PARM1: variants seen among roughly 807,000 people sequenced by gnomAD.
The protein encoded by PARM1 is WSC4, cell wall integrity and stress response component 4 homolog.
PARM1 carries 14 observed loss-of-function variants against 24.6 expected under a neutral mutation model. The ratio of observed to expected loss-of-function variants is 0.57; its 90% confidence interval spans 0.38 to 0.89. The LOEUF (loss-of-function observed/expected upper bound fraction) is 0.89, where lower values mean the gene tolerates loss of function less well. Ranked by LOEUF, PARM1 falls within the 40% of genes least tolerant of loss-of-function variation. The pLI, the probability that PARM1 is intolerant of heterozygous loss-of-function variation, is 0.00. For synonymous variants in PARM1, 179 were observed against 156.6 expected (o/e 1.14, Z -1.07); for missense variants, 362 against 380.4 (o/e 0.95, Z 0.40).
rs769658076 is a variant in PARM1, at chr4:75,033,905, G to C, written c.792G>C (p.Val264=). 3 of 1,604,048 alleles carry C rather than the reference G, an allele frequency of 1.9e-6. No individual in the cohort carries two copies. The African/African-American group carries it at 4.0e-5, about 21-fold the overall frequency. ...LSSGSIAAIT[V]TVIAVVLLVF... is the part of the protein sequence containing the mutation. The stretch of plus-strand genomic sequence containing the variant: ...CAGGCAGCATCGCCGCCATTACCGT[G>C]ACAGTCATTGCCGTGGTGCTGCTGG... Residue 264 remains valine, a synonymous_variant, in exon 3 of 4, where the codon GTG becomes GTC. Coordinates refer to ENST00000307428, the MANE Select transcript of PARM1 (RefSeq NM_015393.4).
intron 1 of PARM1, among the ~76,000 whole-genome samples, chr4:74,987,810 C>T (rs1255581676): frequency 6.6e-6 from 1 of 152,166 alleles, no homozygotes; most frequent in Admixed American, 6.5e-5. Flanking sequence ...AAGTTGGCAC[C>T]TACTTCCTCT....
chr4:75,017,033 T>C (rs1483199778), intron 2 of PARM1, among the ~76,000 whole-genome samples: 2 of 152,176 alleles, frequency 1.3e-5, no homozygotes, highest in East Asian at 3.9e-4. Flanking sequence ...CTTTCAATTC[T>C]TCAGGCCAAA....
At chr4:74,989,491 T>C (rs1353055647) in intron 1 of PARM1, among the ~76,000 whole-genome samples, 1 of 152,220 alleles carries the variant, frequency 6.6e-6, no homozygotes, top group Admixed American at 6.5e-5. Flanking sequence ...TAGGAAGGGA[T>C]GTGGAGTTTC....
rs113095436 is a variant in PARM1, at chr4:74,941,621, G to A, written c.43+8251G>A. 3.1e-3 allele frequency among the ~76,000 whole-genome samples: 471 copies of A among 152,268 alleles called. 3 individuals carry two copies. The highest frequency in any genetic ancestry group is 0.011 in the African/African-American group (447 of 41,564). On this transcript the variant is annotated intron_variant, in intron 1 of 3. Coordinates refer to ENST00000307428, the MANE Select transcript of PARM1 (RefSeq NM_015393.4). ...ATATGAATATAGTATTTGTTTTAGT[G>A]TGCCTCCTTAGTTCTGTGGAAAGTT... is the stretch of plus-strand genomic sequence containing the variant.
chr4:74,988,785 A>C (rs533041477), intron 1 of PARM1, among the ~76,000 whole-genome samples: 1 of 152,222 alleles, frequency 6.6e-6, no homozygotes, highest in South Asian at 2.1e-4. Context: ...GCTAGACCTT[A>C]AAGTCCCAAT....
Position 74,996,314 on chromosome 4 carries a change from A to G in PARM1, c.44-16111A>G, listed in dbSNP as rs575963714. On this transcript the variant is annotated intron_variant, in intron 1 of 3. Coordinates refer to ENST00000307428, the MANE Select transcript of PARM1 (RefSeq NM_015393.4). ...CATTATTTTATTCCCAACAATTAGCATGGTACCTGGTACCTAGTGGGCTCT... is the reference window on the plus strand; with the variant it reads ...CATTATTTTATTCCCAACAATTAGCGTGGTACCTGGTACCTAGTGGGCTCT... Among the ~76,000 whole-genome samples the G allele has an allele frequency of 3.0e-4, 46 of 152,340 alleles. 1 individual carries two copies. The highest frequency in any genetic ancestry group is 1.1e-3 in the African/African-American group (44 of 41,580).
Position 74,974,989 on chromosome 4 carries a change from A to T in PARM1, c.44-37436A>T, listed in dbSNP as rs186643247. On this transcript the variant is annotated intron_variant, in intron 1 of 3. Coordinates refer to ENST00000307428, the MANE Select transcript of PARM1 (RefSeq NM_015393.4). ...TAGCCTCCAGAAATGTGGGCAAAAAATTTTTTGTTGTTTAAGCCACACAGT... is the reference window on the plus strand; with the variant it reads ...TAGCCTCCAGAAATGTGGGCAAAAATTTTTTTGTTGTTTAAGCCACACAGT... Among the ~76,000 whole-genome samples, 18 of 152,206 alleles carry T rather than the reference A, an allele frequency of 1.2e-4. No homozygotes were observed. In the East Asian group the frequency reaches 2.7e-3, roughly 23 times the overall value.
chr4:75,017,503 T>A (rs1303008117), intron 2 of PARM1, among the ~76,000 whole-genome samples: 1 of 152,094 alleles, frequency 6.6e-6, no homozygotes, highest in Non-Finnish European at 1.5e-5. Flanking sequence ...CAGGATTCTG[T>A]TTACCTCTCA....
At chr4:74,990,445 T>C (rs537137081) in intron 1 of PARM1, among the ~76,000 whole-genome samples, 6 of 152,198 alleles carry the variant, frequency 3.9e-5, no homozygotes, top group Admixed American at 1.3e-4. Context: ...ATTAGTGAGC[T>C]CCTCCAAAAT....
intron 1 of PARM1, among the ~76,000 whole-genome samples, chr4:74,961,097 G>A (rs1349958651): frequency 6.6e-6 from 1 of 151,906 alleles, no homozygotes; most frequent in Non-Finnish European, 1.5e-5. Flanking sequence ...TTAATAAAGA[G>A]AGAAAAAGCC....
chr4:74,966,225 G>T (rs192797819), intron 1 of PARM1, among the ~76,000 whole-genome samples: 37 of 152,200 alleles, frequency 2.4e-4, no homozygotes, highest in African/African-American at 7.0e-4. Context: ...TAGCTATCAT[G>T]TCAAAAAAAA....
At position 75,012,472 on chromosome 4, in the gene PARM1, C is replaced by T. The variant is rs1342685919; in HGVS notation, c.91C>T (p.Leu31Phe). 1 of 1,613,942 alleles carries T rather than the reference C, an allele frequency of 6.2e-7. No individual in the cohort carries two copies. Among genetic ancestry groups the T allele is most frequent in the Admixed American group, 1.7e-5 (1 of 60,020 alleles). Residue 31 changes from leucine to phenylalanine, a missense_variant, in exon 2 of 4, where the codon CTT becomes TTT. By Grantham distance (22) the Leu-to-Phe change is conservative. Coordinates refer to ENST00000307428, the MANE Select transcript of PARM1 (RefSeq NM_015393.4). ...TACATCAGCTCCTTTGTCTGTTTCT[C>T]TTCCGACAAACATTGTACCACCGAC... is the stretch of plus-strand genomic sequence containing the variant. ...LPTSAPLSVS[L>F]PTNIVPPTTI...
chr4:74,943,792 G>A (rs1721357864), intron 1 of PARM1, among the ~76,000 whole-genome samples: 1 of 152,186 alleles, frequency 6.6e-6, no homozygotes, highest in Non-Finnish European at 1.5e-5. Context: ...AGTGATTTGA[G>A]TCTAAGGGAA....
At chr4:74,996,253 A>G (rs1722574623) in intron 1 of PARM1, among the ~76,000 whole-genome samples, 2 of 151,874 alleles carry the variant, frequency 1.3e-5, no homozygotes, top group Non-Finnish European at 2.9e-5. Flanking sequence ...AGCTCACTCC[A>G]CTGAATATTG....
intron 1 of PARM1, among the ~76,000 whole-genome samples, chr4:74,940,372 A>T (rs1249406770): frequency 2.0e-5 from 3 of 152,202 alleles, no homozygotes; most frequent in African/African-American, 7.2e-5. Flanking sequence ...GGTGGCTTAT[A>T]AACAATATTT....
intron 1 of PARM1, among the ~76,000 whole-genome samples, chr4:74,986,948 C>G (rs1448416244): frequency 6.6e-6 from 1 of 152,004 alleles, no homozygotes; most frequent in African/African-American, 2.4e-5. Context: ...AGATTCACAC[C>G]CCGGCTGTGC....
chr4:74,957,354 C>T (rs1322011988), intron 1 of PARM1: 1 of 152,168 alleles, frequency 6.6e-6, no homozygotes, highest in East Asian at 1.9e-4. Flanking sequence ...GCTTTAATGT[C>T]TCCATCTGTA....
At chr4:74,959,465 G>A (rs1721717196) in intron 1 of PARM1, among the ~76,000 whole-genome samples, 1 of 152,132 alleles carries the variant, frequency 6.6e-6, no homozygotes. Context: ...GTTCCACTCA[G>A]CCACCTTTCC....
chr4:74,949,603 C>A (rs564695440), intron 1 of PARM1, among the ~76,000 whole-genome samples: 5 of 152,180 alleles, frequency 3.3e-5, no homozygotes, highest in African/African-American at 1.2e-4. Flanking sequence ...TGAGCCACTG[C>A]GCCCAGCCTA....
Sources: gnomAD v4.1 joint callset for allele counts (sites outside exome capture counted in the v4.1 genomes callset) on GRCh38, gnomAD v4.1.1 for gene constraint, MANE v1.5 for transcripts, NCBI Gene and HGNC (gene_info 2026-07-23, HGNC 2026-07-21) for gene names.